The following ZNF585B variants were observed in gnomAD, a reference collection of about 807,000 sequenced individuals.
The protein encoded by ZNF585B is zinc finger protein 585B, also known as zinc finger protein 41-like protein.
ZNF585B carries 7 observed loss-of-function variants against 14.0 expected under a neutral mutation model. The ratio of observed to expected loss-of-function variants is 0.50; its 90% CI spans 0.28 to 0.94. The LOEUF (loss-of-function observed/expected upper bound fraction) is 0.94, where lower values mean the gene tolerates loss of function less well. Ranked by LOEUF, ZNF585B falls within the 40% of genes least tolerant of loss-of-function variation. The pLI is 0.09. For missense variants in ZNF585B, 750 were observed against 924.4 expected (o/e 0.81, Z 2.45); for synonymous variants, 290 against 317.3 (o/e 0.91, Z 0.91).
intron 2 of ZNF585B, chr19:37,198,848 G>C (rs1972501029): frequency 1.5e-5 from 9 of 596,884 alleles, no homozygotes; most frequent in South Asian, 5.8e-5. Context: ...GGATTCAGGG[G>C]AGGGTATGAG....
chr19:37,184,604 G>A lies in ZNF585B; in HGVS notation c.*623C>T, dbSNP rs1376985155. On this transcript the variant is annotated 3_prime_UTR_variant, in exon 5 of 5. Coordinates refer to ENST00000532828, the MANE Select transcript of ZNF585B (RefSeq NM_152279.4). ...GAGAGAGTCCTGGCAGATAATGAAGGGGACTGTAAGTCTTTTTCTATGACA... is the reference window on the plus strand; with the variant it reads ...GAGAGAGTCCTGGCAGATAATGAAGAGGACTGTAAGTCTTTTTCTATGACA... The A allele has an allele frequency of 6.1e-6, 1 of 164,134 alleles. No individual in the cohort carries two copies. The highest frequency in any genetic ancestry group is 2.4e-5 in the African/African-American group (1 of 41,940). 10.2% of individuals were successfully genotyped at this position (164,134 alleles called of 1,614,324 possible).
intron 2 of ZNF585B, among the ~76,000 whole-genome samples, chr19:37,191,426 T>C: frequency 6.6e-6 from 1 of 151,928 alleles, no homozygotes; most frequent in East Asian, 1.9e-4. Context: ...GAGACCAGCC[T>C]GGCCAACATG....
rs1381346459 is a variant in ZNF585B at position 37,186,432 on chromosome 19, A to G, written c.1105T>C (p.Leu369=). The change falls in exon 5 of 5, where the codon TTG becomes CTG. Residue 369 remains leucine (L), a synonymous_variant. Transcript: ENST00000532828. ...GTGTGAATTCTCTGATGAATAATCA[A>G]CTCTGACCTGTAGGTAAAGGCCTTC... The part of the protein sequence containing the change: ...CGKAFTYRSE[L]IIHQRIHTGE... 6.2e-7 allele frequency: 1 copy of G among 1,614,030 alleles called. No homozygotes were observed. The highest frequency in any genetic ancestry group is 8.5e-7 in the Non-Finnish European group (1 of 1,179,984).
At chr19:37,206,054 T>C (rs1314763543) in intron 2 of ZNF585B, among the ~76,000 whole-genome samples, 1 of 151,900 alleles carries the variant, frequency 6.6e-6, no homozygotes, top group Non-Finnish European at 1.5e-5. Context: ...CACTCCAGCC[T>C]AGGCAACAAG....
chr19:37,200,567 A>G (rs1184643412), intron 2 of ZNF585B, among the ~76,000 whole-genome samples: 1 of 151,260 alleles, frequency 6.6e-6, no homozygotes, highest in Non-Finnish European at 1.5e-5. Context: ...AAAAAAAAAA[A>G]AAGCACAAAA....
At chr19:37,201,136 T>C (rs1972527202) in intron 2 of ZNF585B, among the ~76,000 whole-genome samples, 1 of 147,660 alleles carries the variant, frequency 6.8e-6, no homozygotes, top group East Asian at 2.0e-4. Flanking sequence ...ACAGAAGAAA[T>C]GTACAAGGAC....
chr19:37,197,005 A>G (rs1203422894), intron 2 of ZNF585B, among the ~76,000 whole-genome samples: 2 of 152,142 alleles, frequency 1.3e-5, no homozygotes, highest in Non-Finnish European at 2.9e-5. Flanking sequence ...TTATACTTTA[A>G]GTTCTAGGGT....
At position 37,183,930 on chromosome 19, in the gene ZNF585B, T is replaced by C. The variant is rs1972289557; in HGVS notation, c.*1297A>G. 1 of 148,524 alleles carries C rather than the reference T, an allele frequency of 6.7e-6. No individual in the cohort carries two copies. 9.2% of individuals were successfully genotyped at this position (148,524 alleles called of 1,614,324 possible). On this transcript the variant is annotated 3_prime_UTR_variant, in exon 5 of 5. Coordinates refer to ENST00000532828, the MANE Select transcript of ZNF585B (RefSeq NM_152279.4). ...TGCTGGGCTTCAACTCAGTCACAAGTAAATTAAAAAAAAAAAAGAGGCAGG... is the reference window on the plus strand; with the variant it reads ...TGCTGGGCTTCAACTCAGTCACAAGCAAATTAAAAAAAAAAAAGAGGCAGG...
At chr19:37,206,399 C>T (rs1972587758) in intron 2 of ZNF585B, among the ~76,000 whole-genome samples, 1 of 148,088 alleles carries the variant, frequency 6.8e-6, no homozygotes, top group African/African-American at 2.5e-5. Context: ...TGCAGTGAGC[C>T]GAGATCATGC....
At chr19:37,198,945 G>A in intron 2 of ZNF585B, 1 of 1,483,112 alleles carries the variant, frequency 6.7e-7, no homozygotes, top group South Asian at 1.3e-5. Flanking sequence ...CTACCTTGTT[G>A]ATTTCTTCAT....
intron 2 of ZNF585B, among the ~76,000 whole-genome samples, chr19:37,201,137 G>C (rs1189171742): frequency 6.6e-6 from 1 of 151,028 alleles, no homozygotes; most frequent in African/African-American, 2.4e-5. Context: ...CAGAAGAAAT[G>C]TACAAGGACT....
chr19:37,185,602 G>C lies in ZNF585B; in HGVS notation c.1935C>G (p.Gly645=). 1 of 1,613,962 alleles carries C rather than the reference G, an allele frequency of 6.2e-7. No homozygotes were observed. The highest frequency in any genetic ancestry group is 8.5e-7 in the Non-Finnish European group (1 of 1,179,992). ...VCAECGKAFS[G]RSNLSKHQKT... is the part of the protein sequence containing the mutation. The stretch of plus-strand genomic sequence containing the variant: ...TCTGGTGCTTACTGAGATTTGACCT[G>C]CCACTAAAGGCTTTCCCACACTCGG... Residue 645 remains glycine (G), a synonymous_variant, in exon 5 of 5, where the codon GGC becomes GGG. Coordinates refer to ENST00000532828, the MANE Select transcript of ZNF585B (RefSeq NM_152279.4).
At chr19:37,197,962 T>TCTTAGTCATC (rs144572766) in intron 2 of ZNF585B, among the ~76,000 whole-genome samples, 1,652 of 152,230 alleles carry the variant, frequency 0.011, 33 homozygotes, top group African/African-American at 0.038. Context: ...AAGAAATAAT[T>TCTTAGTCATC]CTTAGTCATC....
At chr19:37,193,665 A>C (rs1168070029) in intron 2 of ZNF585B, among the ~76,000 whole-genome samples, 1 of 152,070 alleles carries the variant, frequency 6.6e-6, no homozygotes, top group Non-Finnish European at 1.5e-5. Context: ...CTGTAGTCCC[A>C]GTTACTCGGG....
intron 2 of ZNF585B, among the ~76,000 whole-genome samples, chr19:37,193,379 G>A (rs1355076338): frequency 6.6e-6 from 1 of 151,596 alleles, no homozygotes; most frequent in Non-Finnish European, 1.5e-5. Flanking sequence ...GCTGAGGCAG[G>A]AGAATGGCGT....
chr19:37,208,398 A>C (rs1248886071), intron 1 of ZNF585B, among the ~76,000 whole-genome samples: 4 of 152,172 alleles, frequency 2.6e-5, no homozygotes, highest in Non-Finnish European at 5.9e-5. Context: ...TGGTGGGGTG[A>C]TAAGGATCTT....
At chr19:37,189,804 G>A (rs1972379675) in intron 3 of ZNF585B, 51 bp from the exon 4 acceptor site, 1 of 1,608,822 alleles carries the variant, frequency 6.2e-7, no homozygotes, top group African/African-American at 1.3e-5. Context: ...ACGTTTCAGA[G>A]CCCAACAAAT....
Position 37,182,014 on chromosome 19 carries a change from T to C in ZNF585B, c.*3213A>G, listed in dbSNP as rs1136117. 6.6e-6 allele frequency: 1 copy of C among 152,130 alleles called. No individual in the cohort carries two copies. The highest frequency in any genetic ancestry group is 2.4e-5 in the African/African-American group (1 of 41,436). The allele number at this position is 152,130 out of a possible 1,614,324, so 9.4% of individuals were successfully genotyped here. A position where few individuals can be genotyped will look rare whatever the true frequency, so the allele number is the denominator to read the frequency against. On this transcript the variant is annotated 3_prime_UTR_variant, in exon 5 of 5. Transcript: ENST00000532828. ...CTTTGGCCGATAGTGTCAATGTAGT[T>C]TCATCAATTGTAACAAATGTACCAC...
At position 37,184,931 on chromosome 19, in the gene ZNF585B, A is replaced by C. The variant is rs1972315124; in HGVS notation, c.*296T>G. 2 of 454,588 alleles carry C rather than the reference A, an allele frequency of 4.4e-6. No homozygotes were observed. The highest frequency in any genetic ancestry group is 6.3e-5 in the East Asian group (2 of 31,596). 28.2% of individuals were successfully genotyped at this position (454,588 alleles called of 1,614,324 possible). On this transcript the variant is annotated 3_prime_UTR_variant, in exon 5 of 5. Coordinates refer to ENST00000532828, the MANE Select transcript of ZNF585B (RefSeq NM_152279.4). ...CATAATATGATCTTTCTTATGAAGA[A>C]TTTGGTAACAGTATTCTATTGTAGT...
Sources: gnomAD v4.1 joint callset for allele counts (sites outside exome capture counted in the v4.1 genomes callset) on GRCh38, gnomAD v4.1.1 for gene constraint, MANE v1.5 for transcripts, NCBI Gene and HGNC (gene_info 2026-07-23, HGNC 2026-07-21) for gene names.